The following RILPL1 variants were observed in gnomAD, a reference collection of about 807,000 sequenced individuals.
RILPL1 encodes the protein RILP-like protein 1.
A neutral mutation model predicts 50.3 loss-of-function variants in RILPL1; 33 were observed. The observed-to-expected ratio is 0.66, with a 90% CI of 0.50 to 0.88. RILPL1 has a LOEUF of 0.88. Among genes scored for constraint, RILPL1 ranks in the 40% least tolerant of loss-of-function variants. The probability of loss-of-function intolerance (pLI) is 0.00; values close to 1 mark genes in which losing one functional copy is unlikely to be tolerated. For missense variants in RILPL1, 418 were observed against 542.5 expected (o/e 0.77, Z 2.28); for synonymous variants, 205 against 228.6 (o/e 0.90, Z 0.93).
Position 123,491,560 on chromosome 12 carries a change from T to C in RILPL1, c.802-5755A>G, listed in dbSNP as rs551255619. ...TTCTCAGCAGCCCCTGGCCCAGCAA[T>C]GGGGAACGACTGTGCTCTGGTCACA... On this transcript the variant is annotated intron_variant, in intron 4 of 6. Transcript: ENST00000376874. The surrounding 1 kb of genome is among the most constrained non-coding windows in gnomAD (Gnocchi z 4.0). 6.6e-6 allele frequency among the ~76,000 whole-genome samples: 1 copy of C among 152,214 alleles called. No individual in the cohort carries two copies. Among genetic ancestry groups the C allele is most frequent in the East Asian group, 1.9e-4 (1 of 5,158 alleles).
At chr12:123,479,556 C>T (rs1881821287) in intron 6 of RILPL1, among the ~76,000 whole-genome samples, 1 of 152,202 alleles carries the variant, frequency 6.6e-6, no homozygotes, top group African/African-American at 2.4e-5. Context: ...AGGCCCCTCC[C>T]AGCCTCTGGG....
intron 2 of RILPL1, among the ~76,000 whole-genome samples, chr12:123,500,561 A>T (rs904766230): frequency 3.9e-5 from 6 of 152,106 alleles, no homozygotes; most frequent in African/African-American, 1.4e-4. Flanking sequence ...CTGGGATTAC[A>T]GGCGTGAGCC....
intron 4 of RILPL1, among the ~76,000 whole-genome samples, chr12:123,495,677 GTT>G (rs33979230): frequency 0.17 from 17,647 of 102,744 alleles, 1,024 homozygotes; most frequent in Middle Eastern, 0.2. Context: ...CCTGGCCCCA[GTT>G]TTTTTTTTTT....
At position 123,493,672 on chromosome 12, in the gene RILPL1, C is replaced by G. The variant is rs117058062; in HGVS notation, c.801+4872G>C. 1.7e-4 allele frequency among the ~76,000 whole-genome samples: 26 copies of G among 152,266 alleles called. No individual in the cohort carries two copies. The East Asian group carries it at 5.0e-3, about 29-fold the overall frequency. On this transcript the variant is annotated intron_variant, in intron 4 of 6. Coordinates refer to ENST00000376874, the MANE Select transcript of RILPL1 (RefSeq NM_178314.5). Reference sequence around the variant, plus strand: ...CCCCTGACCCCAGCCACATGCTGCACGTTCTCCGGCCTAGCTCACTGTTCC... The same window carrying G: ...CCCCTGACCCCAGCCACATGCTGCAGGTTCTCCGGCCTAGCTCACTGTTCC...
chr12:123,473,661 CCA>C (rs1332323919), intron 6 of RILPL1: 1 of 151,970 alleles, frequency 6.6e-6, no homozygotes, highest in Non-Finnish European at 1.5e-5. Flanking sequence ...AGCTACAGAG[CCA>C]CAGTTAGTCT....
intron 6 of RILPL1, among the ~76,000 whole-genome samples, chr12:123,476,679 A>ATTC (rs1157156398): frequency 6.6e-6 from 1 of 152,046 alleles, no homozygotes; most frequent in East Asian, 1.9e-4. Context: ...TGTGGGGCAG[A>ATTC]TTCTCCCTTA....
At chr12:123,501,279 G>T (rs950354685) in intron 2 of RILPL1, among the ~76,000 whole-genome samples, 6 of 150,984 alleles carry the variant, frequency 4.0e-5, no homozygotes, top group Non-Finnish European at 5.9e-5. Flanking sequence ...TCTACAAAAA[G>T]ATTTTTTTTT....
intron 1 of RILPL1, among the ~76,000 whole-genome samples, chr12:123,532,952 T>C (rs904033742): frequency 3.3e-5 from 5 of 152,244 alleles, no homozygotes; most frequent in Admixed American, 2.6e-4. Flanking sequence ...AAAGGTGGGA[T>C]TGGAACTCCA....
At chr12:123,475,602 G>T in intron 6 of RILPL1, 1 of 1,119,086 alleles carries the variant, frequency 8.9e-7, no homozygotes, top group East Asian at 2.5e-5. Flanking sequence ...CCCAGCAGTA[G>T]CCGAAGCAGA....
intron 4 of RILPL1, among the ~76,000 whole-genome samples, chr12:123,494,620 A>C (rs1272023569): frequency 1.3e-5 from 2 of 152,146 alleles, no homozygotes; most frequent in African/African-American, 4.8e-5. Flanking sequence ...GAAGGTTGGA[A>C]GGGGCACACT....
rs1283135340 is a variant in RILPL1, at chr12:123,484,238, G to C, written c.1009C>G (p.Pro337Ala). The change falls in exon 6 of 7, where the codon CCC becomes GCC. Residue 337 changes from proline to alanine, a missense_variant. By Grantham distance (27) the Pro-to-Ala change is conservative. Coordinates refer to ENST00000376874, the MANE Select transcript of RILPL1 (RefSeq NM_178314.5). ...EMEEENRIPQPPPIAHPRTSP... is the reference protein window; with the variant it reads ...EMEEENRIPQAPPIAHPRTSP... ...GTCCTCGGGTGGGCGATGGGTGGGGGTTGGGGTATTCGGTTTTCCTCTTCC... is the reference window on the plus strand; with the variant it reads ...GTCCTCGGGTGGGCGATGGGTGGGGCTTGGGGTATTCGGTTTTCCTCTTCC... 3 of 1,610,004 alleles carry C rather than the reference G, an allele frequency of 1.9e-6. No individual in the cohort carries two copies. The South Asian group carries it at 3.3e-5, about 18-fold the overall frequency.
At chr12:123,525,465 C>T (rs191192940) in intron 1 of RILPL1, among the ~76,000 whole-genome samples, 232 of 149,242 alleles carry the variant, frequency 1.6e-3, no homozygotes, top group Admixed American at 2.5e-3. Context: ...TTTGGGAGGC[C>T]GAGGTGGGCA....
intron 6 of RILPL1, among the ~76,000 whole-genome samples, chr12:123,477,595 T>TC (rs1312302899): frequency 3.9e-5 from 6 of 152,142 alleles, no homozygotes; most frequent in African/African-American, 1.4e-4. Context: ...CGCCTTGGCC[T>TC]CCCAAAGTGC....
In RILPL1 at chr12:123,489,388, G is replaced by A. The variant is rs1452170495; in HGVS notation, c.802-3583C>T. On this transcript the variant is annotated intron_variant, in intron 4 of 6. Transcript: ENST00000376874. The surrounding 1 kb of genome is among the most constrained non-coding windows in gnomAD (Gnocchi z 4.0). ...AATACAAAAATTAGCTGGGCGGCCA[G>A]GCACAGTGGCTCACGCCTGTAATCT... Among the ~76,000 whole-genome samples, 1 of 152,112 alleles carries A rather than the reference G, an allele frequency of 6.6e-6. No homozygotes were observed.
At chr12:123,510,734 GGT>G (rs1194329403) in intron 2 of RILPL1, among the ~76,000 whole-genome samples, 127 of 114,090 alleles carry the variant, frequency 1.1e-3, no homozygotes, top group Middle Eastern at 5.7e-3. Context: ...GTCTGTGTCT[GGT>G]GTGTGTGTGA....
At chr12:123,475,897 A>ATTTT (rs375190049) in intron 6 of RILPL1, 7 of 393,128 alleles carry the variant, frequency 1.8e-5, no homozygotes, top group African/African-American at 5.7e-5. Flanking sequence ...TTCACTTAAA[A>ATTTT]TTTTTTTTTT....
In RILPL1 at chr12:123,522,095, G is replaced by A. The variant is rs1265217714; in HGVS notation, c.460+1400C>T. 6.6e-6 allele frequency among the ~76,000 whole-genome samples: 1 copy of A among 152,070 alleles called. No homozygotes were observed. The highest frequency in any genetic ancestry group is 1.5e-5 in the Non-Finnish European group (1 of 68,000). On this transcript the variant is annotated intron_variant, in intron 2 of 6. Coordinates refer to ENST00000376874, the MANE Select transcript of RILPL1 (RefSeq NM_178314.5). This position sits in a 1 kb window ranked among gnomAD's most constrained non-coding sequence, Gnocchi z 4.0. ...CTTTAGTGCCATACTTGATTCTGCA[G>A]AGAGGTCACCACACATTCTGAAGTT...
chr12:123,505,389 T>C (rs892382650), intron 2 of RILPL1, among the ~76,000 whole-genome samples: 3 of 152,172 alleles, frequency 2.0e-5, no homozygotes, highest in Admixed American at 6.6e-5. Context: ...AGTAGCATGA[T>C]CACAGCTCAC....
Position 123,470,715 on chromosome 12 carries a change from C to CGGAAG in RILPL1, c.*1818_*1822dup, listed in dbSNP as rs1881150737. ...ATGAGAATTGCTTGAACTCAAGAGG[C>CGGAAG]GGAAGTTGCAGTGAGCAGAGATGGT... On this transcript the variant is annotated 3_prime_UTR_variant, in exon 7 of 7. Transcript: ENST00000376874. The CGGAAG allele has an allele frequency of 6.6e-6, 1 of 152,136 alleles. No individual in the cohort carries two copies. Among genetic ancestry groups the CGGAAG allele is most frequent in the Non-Finnish European group, 1.5e-5 (1 of 68,060 alleles). The allele number at this position is 152,136 out of a possible 1,614,324, so 9.4% of individuals were successfully genotyped here. A position where few individuals can be genotyped will look rare whatever the true frequency, so the allele number is the denominator to read the frequency against.
Sources: gnomAD v4.1 joint callset for allele counts (sites outside exome capture counted in the v4.1 genomes callset) on GRCh38, gnomAD v4.1.1 for gene constraint, Gnocchi (gnomAD v3.1) non-coding constraint, MANE v1.5 for transcripts, NCBI Gene and HGNC (gene_info 2026-07-23, HGNC 2026-07-21) for gene names.